Variants in APOB observed in about 807,000 individuals in gnomAD.
APOB encodes the protein apolipoprotein B.
In APOB, 153 loss-of-function variants were observed where a neutral mutation model predicts 314.1. The ratio of observed to expected loss-of-function variants is 0.49; its 90% CI spans 0.43 to 0.56. APOB has a LOEUF of 0.56. Among genes scored for constraint, APOB ranks in the 20% least tolerant of loss-of-function variants. The pLI is 0.00. For missense variants in APOB, 5,430 were observed against 5,350.7 expected (o/e 1.01, Z -0.46); for synonymous variants, 2,087 against 2,036.4 (o/e 1.02, Z -0.67).
At position 21,026,815 on chromosome 2, in the gene APOB, G is replaced by C. The variant is rs771469046; in HGVS notation, c.2217C>G (p.Gly739=). The change falls in exon 15 of 29, where the codon GGC becomes GGG. Residue 739 remains glycine, a synonymous_variant. Coordinates refer to ENST00000233242, the MANE Select transcript of APOB (RefSeq NM_000384.3). ...GCTCATGTTTATCATCTTTGGTATA[G>C]CCAAAGTGGTCCACTAAGACCTTAG... is the stretch of plus-strand genomic sequence containing the variant. ...GVSKVLVDHF[G]YTKDDKHEQD... is the part of the protein sequence containing the mutation. 4.6e-5 allele frequency: 75 copies of C among 1,613,580 alleles called. No homozygotes were observed. Among genetic ancestry groups the C allele is most frequent in the Non-Finnish European group, 6.3e-5 (74 of 1,179,652 alleles).
chr2:21,010,222 A>G lies in APOB; in HGVS notation c.6646T>C (p.Tyr2216His), dbSNP rs775471082. ...IEKLKSLDEH[Y>H]HIRVNLVKTI... ...TTTACTAAATTTACACGGATATGAT[A>G]GTGCTCATCAAGACTTTTTAATTTT... Residue 2216 changes from tyrosine to histidine, a missense_variant, in exon 26 of 29, where the codon TAT becomes CAT. By Grantham distance (83) the Tyr-to-His change is moderately conservative. Transcript: ENST00000233242. The G allele has an allele frequency of 1.3e-6, 2 of 1,575,844 alleles. No individual in the cohort carries two copies. Among genetic ancestry groups the G allele is most frequent in the South Asian group, 1.2e-5 (1 of 85,392 alleles).
At chr2:21,023,844 A>G in intron 16 of APOB, 152 bp from the exon 17 acceptor site, 1 of 609,190 alleles carries the variant, frequency 1.6e-6, no homozygotes, top group Non-Finnish European at 2.7e-6. Flanking sequence ...TGATAAATAA[A>G]GATCAAACTG....
rs12720797 is a variant in APOB at position 21,039,319 on chromosome 2, G to A, written c.384-1208C>T. ...AAATATCTTGTTGTTACATTAATTC[G>A]CATTTCTTGACTACCAGTGAATTGG... is the stretch of plus-strand genomic sequence containing the variant. On this transcript the variant is annotated intron_variant, in intron 4 of 28. Coordinates refer to ENST00000233242, the MANE Select transcript of APOB (RefSeq NM_000384.3). 5.0e-3 allele frequency among the ~76,000 whole-genome samples: 768 copies of A among 152,290 alleles called. 7 individuals are homozygous for A. Among genetic ancestry groups the A allele is most frequent in the African/African-American group, 0.017 (722 of 41,546 alleles).
In APOB at chr2:21,012,072, C is replaced by A. The variant is rs746414462; in HGVS notation, c.4796G>T (p.Arg1599Leu). The change falls in exon 26 of 29, where the codon CGT becomes CTT. Residue 1599 changes from arginine to leucine, a missense_variant. Arg to Leu is a moderately radical substitution (Grantham distance 102). Around this residue, in one of 3 missense-constraint regions of APOB, gnomAD observed 2,085 missense variants for 2,079.7 expected, o/e 1.00. Coordinates refer to ENST00000233242, the MANE Select transcript of APOB (RefSeq NM_000384.3). ...CTCGTAATCAGCCTGATATTCAGAA[C>A]GCAGCAGTGCATTTTGCTTAGAGAA... Reference protein sequence around the residue: ...MTFSKQNALLRSEYQADYESL... With the variant: ...MTFSKQNALLLSEYQADYESL... 5.0e-6 allele frequency: 8 copies of A among 1,614,030 alleles called. No homozygotes were observed. The highest frequency in any genetic ancestry group is 6.8e-6 in the Non-Finnish European group (8 of 1,180,018).
intron 27 of APOB, 33 bp from the exon 28 acceptor site, chr2:21,004,485 A>G (rs367634766): frequency 1.2e-5 from 20 of 1,613,616 alleles, no homozygotes; most frequent in Admixed American, 1.7e-5. Flanking sequence ...GCTATCACGA[A>G]AGGGGTATGG....
chr2:21,024,890 A>G (rs777722479), intron 16 of APOB, 43 bp downstream of exon 16: 12 of 1,609,668 alleles, frequency 7.5e-6, no homozygotes, highest in South Asian at 5.5e-5. Context: ...AAAAAAAACC[A>G]ACGTCTGGTC....
At chr2:21,038,253 TATAGCTACACATAGAC>T (rs1331765290) in intron 4 of APOB, 142 bp from the exon 5 acceptor site, 1 of 893,182 alleles carries the variant, frequency 1.1e-6, no homozygotes, top group Non-Finnish European at 1.8e-6. Flanking sequence ...AAATATAGAA[TATAGCTACACATAGAC>T]ATACATTTTC....
chr2:21,038,472 G>A (rs1404462167), intron 4 of APOB, among the ~76,000 whole-genome samples: 1 of 152,082 alleles, frequency 6.6e-6, no homozygotes, highest in Non-Finnish European at 1.5e-5. Context: ...GAGTAGCTAG[G>A]ACTACTGGCA....
chr2:21,003,351 A>G lies in APOB; in HGVS notation c.12088-17T>C, dbSNP rs767133075. Reference sequence around the variant, plus strand: ...TGGAGAGGACTAAACAGAGAGAAAAAAAAAAATAACATGTTTTCAATTACT... The same window carrying G: ...TGGAGAGGACTAAACAGAGAGAAAAGAAAAAATAACATGTTTTCAATTACT... On this transcript the variant is annotated splice_polypyrimidine_tract_variant and intron_variant, in intron 28 of 28. Coordinates refer to ENST00000233242, the MANE Select transcript of APOB (RefSeq NM_000384.3). The G allele has an allele frequency of 5.6e-6, 9 of 1,606,136 alleles. No individual in the cohort carries two copies. In the Admixed American group the frequency reaches 1.0e-4, roughly 18 times the overall value.
chr2:21,021,543 G>T (rs1442833479), intron 18 of APOB, among the ~76,000 whole-genome samples: 1 of 152,096 alleles, frequency 6.6e-6, no homozygotes, highest in East Asian at 1.9e-4. Context: ...CCTTAGGATG[G>T]CTTTCGCAGC....
chr2:21,021,822 T>C (rs1663612940), intron 18 of APOB, among the ~76,000 whole-genome samples: 1 of 152,232 alleles, frequency 6.6e-6, no homozygotes, highest in Non-Finnish European at 1.5e-5. Flanking sequence ...TAATACTTTC[T>C]ATAACTTAGC....
Position 21,019,922 on chromosome 2 carries a change from A to T in APOB, c.2817-17T>A, listed in dbSNP as rs1420501210. On this transcript the variant is annotated splice_polypyrimidine_tract_variant and intron_variant, in intron 18 of 28. Transcript: ENST00000233242. ...AATGTGTTGCTGGTGAAGAACAAAA[A>T]TACCTGAGTTATTGCCAAGTCATGA... The T allele has an allele frequency of 1.2e-6, 2 of 1,613,654 alleles. No homozygotes were observed. The highest frequency in any genetic ancestry group is 3.3e-5 in the Admixed American group (2 of 60,034).
chr2:21,037,877 G>C, intron 5 of APOB, 81 bp downstream of exon 5: 1 of 1,547,350 alleles, frequency 6.5e-7, no homozygotes, highest in Non-Finnish European at 8.9e-7. Context: ...TCAGTGATCT[G>C]CTTTGTATAT....
intron 16 of APOB, chr2:21,024,589 G>C: frequency 2.1e-6 from 1 of 481,466 alleles, no homozygotes; most frequent in South Asian, 3.1e-5. Flanking sequence ...CTGCACTCCA[G>C]CCTGGGAGCA....
intron 4 of APOB, among the ~76,000 whole-genome samples, chr2:21,039,064 C>T (rs540305030): frequency 2.0e-5 from 3 of 152,272 alleles, no homozygotes; most frequent in South Asian, 2.1e-4. Flanking sequence ...AAACAAACAT[C>T]CTTATGTGCC....
rs925161663 is a variant in APOB at position 21,028,076 on chromosome 2, A to G, written c.1830-11T>C. 1.3e-6 allele frequency: 2 copies of G among 1,568,288 alleles called. No homozygotes were observed. The highest frequency in any genetic ancestry group is 2.7e-5 in the African/African-American group (2 of 74,228). On this transcript the variant is annotated splice_polypyrimidine_tract_variant and intron_variant, in intron 13 of 28. Transcript: ENST00000233242. ...ACTAACTTTTTCAGACTAGATAAGAAGAAGTATATTTTGAGCTGACACACC... is the reference window on the plus strand; with the variant it reads ...ACTAACTTTTTCAGACTAGATAAGAGGAAGTATATTTTGAGCTGACACACC...
chr2:21,043,995 G>T lies in APOB; in HGVS notation c.-50C>A. The T allele has an allele frequency of 9.8e-7, 1 of 1,017,418 alleles. No individual in the cohort carries two copies. The highest frequency in any genetic ancestry group is 1.3e-6 in the Non-Finnish European group (1 of 797,624). The allele number at this position is 1,017,418 out of a possible 1,614,324, so 63.0% of individuals were successfully genotyped here. A position where few individuals can be genotyped will look rare whatever the true frequency, so the allele number is the denominator to read the frequency against. On this transcript the variant is annotated 5_prime_UTR_variant, in exon 1 of 29. Transcript: ENST00000233242. ...TGGGCTGCGGCCTGGCCTCGGCCTC[G>T]CGGCCCTGGCTGGCTGGGCGGGCTC...
chr2:21,014,228 C>T (rs1663409400), intron 24 of APOB, among the ~76,000 whole-genome samples: 1 of 152,148 alleles, frequency 6.6e-6, no homozygotes, highest in African/African-American at 2.4e-5. Context: ...GTGAAAGTAC[C>T]AGAATCCTCT....
Position 21,011,192 on chromosome 2 carries a change from G to A in APOB, c.5676C>T (p.Phe1892=), listed in dbSNP as rs1663309667. Residue 1892 remains phenylalanine (F), a synonymous_variant, in exon 26 of 29, where the codon TTC becomes TTT. Coordinates refer to ENST00000233242, the MANE Select transcript of APOB (RefSeq NM_000384.3). ...CCATTACAGAACGGAAGACATTGCT[G>A]AAATGCAGTGAGTCTGAATTATAGT... is the stretch of plus-strand genomic sequence containing the variant. ...STNYNSDSLH[F]SNVFRSVMAP... The A allele has an allele frequency of 9.3e-6, 15 of 1,614,192 alleles. No individual in the cohort carries two copies. Among genetic ancestry groups the A allele is most frequent in the Non-Finnish European group, 1.2e-5 (14 of 1,180,026 alleles).
Sources: allele counts gnomAD v4.1 joint callset (sites outside exome capture counted in the v4.1 genomes callset), GRCh38; gene constraint gnomAD v4.1.1; regional missense constraint gnomAD v4.1.1; transcripts MANE v1.5; gene names NCBI Gene and HGNC (gene_info 2026-07-23, HGNC 2026-07-21).